SAMMSON: variants seen among roughly 807,000 people sequenced by gnomAD.
SAMMSON encodes survival associated mitochondrial melanoma specific oncogenic non-coding RNA.
chr3:70,248,394 G>T (rs768333795), intron 4 of SAMMSON, among the ~76,000 whole-genome samples: 1 of 152,094 alleles, frequency 6.6e-6, no homozygotes, highest in South Asian at 2.1e-4. Flanking sequence ...TTGCCAAAAA[G>T]TGTTGGGTTA....
At chr3:70,134,313 T>C (rs9310182) in intron 4 of SAMMSON, among the ~76,000 whole-genome samples, 41,187 of 149,982 alleles carry the variant, frequency 0.27, 5,960 homozygotes, top group East Asian at 0.52. Context: ...TTGTGCCCAG[T>C]AGTGTTCCTG....
intron 6 of SAMMSON, among the ~76,000 whole-genome samples, chr3:70,277,631 T>C (rs969102409): frequency 2.0e-5 from 3 of 152,178 alleles, no homozygotes; most frequent in Non-Finnish European, 4.4e-5. Context: ...CTTGGTTTTA[T>C]GGTTTATTTC....
intron 6 of SAMMSON, among the ~76,000 whole-genome samples, chr3:70,267,578 A>ATT (rs377637066): frequency 0.47 from 62,528 of 132,046 alleles, 15,220 homozygotes; most frequent in East Asian, 0.66. Flanking sequence ...AATTTTTTGT[A>ATT]TTTTTTTTTT....
At chr3:70,048,627 C>T (rs2067135606) in intron 3 of SAMMSON, among the ~76,000 whole-genome samples, 1 of 152,048 alleles carries the variant, frequency 6.6e-6, no homozygotes, top group South Asian at 2.1e-4. Context: ...GCTAAATTTT[C>T]AAGAAAATAC....
intron 7 of SAMMSON, among the ~76,000 whole-genome samples, chr3:70,309,043 C>A (rs1222722598): frequency 2.0e-5 from 3 of 152,108 alleles, no homozygotes; most frequent in East Asian, 3.9e-4. Flanking sequence ...CTTTTTTGAA[C>A]AACTGAAAGT....
At chr3:70,068,015 CA>C (rs1284247496) in intron 3 of SAMMSON, among the ~76,000 whole-genome samples, 30 of 151,854 alleles carry the variant, frequency 2.0e-4, no homozygotes, top group African/African-American at 6.8e-4. Flanking sequence ...CTGAATTCAG[CA>C]GTTTATAAAT....
At chr3:70,232,795 T>C (rs1701573038) in intron 4 of SAMMSON, among the ~76,000 whole-genome samples, 1 of 152,174 alleles carries the variant, frequency 6.6e-6, no homozygotes, top group Non-Finnish European at 1.5e-5. Flanking sequence ...TCTTACTGGG[T>C]TGGAGATTTT....
At chr3:70,276,998 C>T (rs749846205) in intron 6 of SAMMSON, among the ~76,000 whole-genome samples, 1 of 151,956 alleles carries the variant, frequency 6.6e-6, no homozygotes, top group Non-Finnish European at 1.5e-5. Flanking sequence ...TTAAGGAACT[C>T]TTCACACACA....
intron 9 of SAMMSON, among the ~76,000 whole-genome samples, chr3:70,370,881 C>G (rs896684764): frequency 5.9e-5 from 9 of 151,886 alleles, no homozygotes; most frequent in African/African-American, 2.2e-4. Flanking sequence ...TAGTCATAAA[C>G]TTTTTGCCTA....
At chr3:70,271,717 A>C (rs1701976816) in intron 6 of SAMMSON, 1 of 152,222 alleles carries the variant, frequency 6.6e-6, no homozygotes, top group Non-Finnish European at 1.5e-5. Context: ...ATGAAATTGT[A>C]GCCCTAAATC....
chr3:70,139,719 GTT>G (rs2067519926), intron 4 of SAMMSON, among the ~76,000 whole-genome samples: 4 of 152,160 alleles, frequency 2.6e-5, no homozygotes, highest in Admixed American at 2.6e-4. Flanking sequence ...CCCCCTGGGT[GTT>G]TGAATTCTTG....
intron 2 of SAMMSON, among the ~76,000 whole-genome samples, chr3:70,398,951 A>G (rs1701114631): frequency 6.6e-6 from 1 of 152,240 alleles, no homozygotes; most frequent in African/African-American, 2.4e-5. Flanking sequence ...TGGGCTAATG[A>G]GAAGGATATC....
intron 2 of SAMMSON, among the ~76,000 whole-genome samples, chr3:70,429,689 T>C (rs967748028): frequency 1.3e-5 from 2 of 152,216 alleles, no homozygotes; most frequent in African/African-American, 4.8e-5. Flanking sequence ...TCACATCCCT[T>C]GGAAGTTGGA....
At chr3:70,017,801 T>A (rs1211361610) in intron 3 of SAMMSON, among the ~76,000 whole-genome samples, 1 of 152,180 alleles carries the variant, frequency 6.6e-6, no homozygotes, top group Non-Finnish European at 1.5e-5. Context: ...GAAGCGTTGT[T>A]GAATTTTGTG....
chr3:70,363,200 A>G (rs753096470), intron 9 of SAMMSON, among the ~76,000 whole-genome samples: 2 of 152,120 alleles, frequency 1.3e-5, no homozygotes, highest in Non-Finnish European at 2.9e-5. Context: ...AAGGCCATAT[A>G]CAGCAAACCC....
rs923870941 is a variant in SAMMSON at position 70,069,797 on chromosome 3, C to T, written n.418-1679C>T. 15 of 152,148 alleles carry T rather than the reference C, an allele frequency of 9.9e-5. No homozygotes were observed. In the Middle Eastern group the frequency reaches 0.014, roughly 138 times the overall value. 9.4% of individuals were successfully genotyped at this position (152,148 alleles called of 1,614,324 possible). A position where few individuals can be genotyped will look rare whatever the true frequency, so the allele number is the denominator to read the frequency against. ...CAAGGTCATGTAGGTAATGTCAGAG[C>T]AGCAATTTGAATATAGGCTCTTGAC... is the stretch of plus-strand genomic sequence containing the variant. On this transcript the variant is annotated intron_variant and non_coding_transcript_variant, in intron 3 of 9. Coordinates refer to ENST00000642114, the Ensembl canonical transcript of SAMMSON.
rs143250252 is a variant in SAMMSON, at chr3:70,065,133, TA to T, written n.418-6342del. 954 of 152,056 alleles carry T rather than the reference TA, an allele frequency of 6.3e-3. 9 individuals carry two copies. Among genetic ancestry groups the T allele is most frequent in the African/African-American group, 0.021 (851 of 41,422 alleles). 9.4% of individuals were successfully genotyped at this position (152,056 alleles called of 1,614,324 possible). On this transcript the variant is annotated intron_variant and non_coding_transcript_variant, in intron 3 of 9. Transcript: ENST00000642114. ...GTATCATACACTTGTTCCATTTTTT[TA>T]TTTTTTTTGCTATGTAAAGTCTTCT... is the stretch of plus-strand genomic sequence containing the variant.
chr3:70,293,443 T>C (rs1054385139), intron 7 of SAMMSON, among the ~76,000 whole-genome samples: 16 of 152,120 alleles, frequency 1.1e-4, no homozygotes, highest in African/African-American at 3.9e-4. Flanking sequence ...TAAATAGATA[T>C]GAAAATATCT....
chr3:70,293,262 C>G (rs1012647930), intron 7 of SAMMSON, among the ~76,000 whole-genome samples: 2 of 151,826 alleles, frequency 1.3e-5, no homozygotes, highest in African/African-American at 2.4e-5. Context: ...AAATAAAGTA[C>G]ATAGTATTAC....
Sources: gnomAD v4.1 joint callset for allele counts (sites outside exome capture counted in the v4.1 genomes callset) on GRCh38, gnomAD v4.1.1 for gene constraint, MANE v1.5 for transcripts, NCBI Gene and HGNC (gene_info 2026-07-23, HGNC 2026-07-21) for gene names.